PLCL1: variants seen among roughly 807,000 people sequenced by gnomAD.
PLCL1 encodes the protein phospholipase C like 1 (inactive).
A neutral mutation model predicts 84.4 loss-of-function variants in PLCL1; 41 were observed. The ratio of observed to expected loss-of-function variants is 0.49; its 90% CI spans 0.38 to 0.63. The LOEUF (loss-of-function observed/expected upper bound fraction) is 0.63, where lower values mean the gene tolerates loss of function less well. PLCL1 is among the 30% of genes least tolerant of loss of function. PLCL1 has a pLI of 0.00. For missense variants in PLCL1, 1,206 were observed against 1,367.8 expected (o/e 0.88, Z 1.87); for synonymous variants, 490 against 488.3 (o/e 1.00, Z -0.05).
At chr2:197,994,939 C>T (rs1391484233) in intron 1 of PLCL1, among the ~76,000 whole-genome samples, 1 of 152,130 alleles carries the variant, frequency 6.6e-6, no homozygotes, top group East Asian at 1.9e-4. Context: ...CCTGTCATCT[C>T]CATGCAGAAG....
intron 1 of PLCL1, among the ~76,000 whole-genome samples, chr2:197,917,776 T>C (rs1377477047): frequency 6.6e-6 from 1 of 152,098 alleles, no homozygotes; most frequent in African/African-American, 2.4e-5. Flanking sequence ...TAGTATCTTG[T>C]AGTGCCATGA....
intron 1 of PLCL1, among the ~76,000 whole-genome samples, chr2:197,812,024 A>G (rs1362695784): frequency 6.6e-6 from 1 of 152,110 alleles, no homozygotes; most frequent in Non-Finnish European, 1.5e-5. Flanking sequence ...GTTCATGTGT[A>G]TTTAGTGTTT....
chr2:198,002,716 G>T (rs920423943), intron 1 of PLCL1, among the ~76,000 whole-genome samples: 10 of 152,150 alleles, frequency 6.6e-5, no homozygotes, highest in Admixed American at 5.2e-4. Context: ...ATGTACAGGT[G>T]CCAGGCTGTG....
chr2:197,856,578 T>C (rs180930318), intron 1 of PLCL1, among the ~76,000 whole-genome samples: 2,261 of 152,268 alleles, frequency 0.015, 63 homozygotes, highest in African/African-American at 0.052. Context: ...TAAAAGTGAG[T>C]TTTGGCTCTC....
chr2:197,860,817 TTG>T (rs2105693206), intron 1 of PLCL1, among the ~76,000 whole-genome samples: 1 of 152,320 alleles, frequency 6.6e-6, no homozygotes, highest in Non-Finnish European at 1.5e-5. Context: ...ATTCTGTAGG[TTG>T]TCTGTTTACT....
intron 1 of PLCL1, among the ~76,000 whole-genome samples, chr2:198,015,732 A>G (rs1159301621): frequency 6.6e-6 from 1 of 152,170 alleles, no homozygotes; most frequent in Non-Finnish European, 1.5e-5. Flanking sequence ...GTGTAAGATA[A>G]CGAGGGTGGT....
chr2:198,016,664 A>G (rs778780347), intron 1 of PLCL1, among the ~76,000 whole-genome samples: 8 of 152,188 alleles, frequency 5.3e-5, no homozygotes, highest in Non-Finnish European at 1.2e-4. Flanking sequence ...TGACACAGGT[A>G]AGGCGTCTTC....
chr2:197,820,633 G>A (rs920624630), intron 1 of PLCL1, among the ~76,000 whole-genome samples: 1 of 152,042 alleles, frequency 6.6e-6, no homozygotes, highest in African/African-American at 2.4e-5. Context: ...AGAATGTGGT[G>A]GGCTTAGTGG....
chr2:197,810,277 G>A, intron 1 of PLCL1: 1 of 1,272,292 alleles, frequency 7.9e-7, no homozygotes, highest in East Asian at 5.6e-5. Context: ...TCTTTCTGAT[G>A]TGATTTCTTA....
chr2:197,952,446 G>A (rs374647605), intron 1 of PLCL1, among the ~76,000 whole-genome samples: 3 of 152,232 alleles, frequency 2.0e-5, no homozygotes, highest in African/African-American at 7.2e-5. Context: ...TGGATTGAAG[G>A]TGCATAGCAA....
At chr2:198,016,770 G>T (rs1279809872) in intron 1 of PLCL1, among the ~76,000 whole-genome samples, 1 of 152,162 alleles carries the variant, frequency 6.6e-6, no homozygotes, top group Non-Finnish European at 1.5e-5. Flanking sequence ...TTATCCTCGG[G>T]TTGTTTCCTC....
chr2:197,842,509 C>T (rs1216892559), intron 1 of PLCL1, among the ~76,000 whole-genome samples: 1 of 152,090 alleles, frequency 6.6e-6, no homozygotes. Flanking sequence ...CTCAAAGGGT[C>T]ATATAATCTC....
At chr2:197,872,666 G>T (rs1687669261) in intron 1 of PLCL1, among the ~76,000 whole-genome samples, 2 of 152,254 alleles carry the variant, frequency 1.3e-5, no homozygotes, top group Middle Eastern at 6.8e-3. Flanking sequence ...ATGATTGAGA[G>T]AATTAGATTA....
chr2:198,128,201 G>T (rs1470446387), intron 5 of PLCL1, among the ~76,000 whole-genome samples: 1 of 152,042 alleles, frequency 6.6e-6, no homozygotes, highest in African/African-American at 2.4e-5. Flanking sequence ...GGGGACAAGG[G>T]GATTCCAAAA....
At chr2:198,121,206 C>T (rs536131790) in intron 5 of PLCL1, among the ~76,000 whole-genome samples, 14 of 151,970 alleles carry the variant, frequency 9.2e-5, no homozygotes, top group East Asian at 3.9e-4. Flanking sequence ...TTATGTATTC[C>T]GATTATTAAT....
At chr2:197,840,290 G>C (rs1312754004) in intron 1 of PLCL1, among the ~76,000 whole-genome samples, 1 of 151,744 alleles carries the variant, frequency 6.6e-6, no homozygotes, top group South Asian at 2.1e-4. Flanking sequence ...CCCCTGTCTG[G>C]TCAGGAAGGC....
intron 1 of PLCL1, among the ~76,000 whole-genome samples, chr2:197,815,024 C>T (rs1232123579): frequency 6.6e-6 from 1 of 152,140 alleles, no homozygotes; most frequent in Non-Finnish European, 1.5e-5. Context: ...GATGTAGAAG[C>T]TACAGCAAGT....
intron 1 of PLCL1, among the ~76,000 whole-genome samples, chr2:198,036,420 ATT>A (rs1337571219): frequency 6.6e-6 from 1 of 152,202 alleles, no homozygotes; most frequent in Admixed American, 6.5e-5. Context: ...TGCTAGAATC[ATT>A]TTTCATTGCC....
Position 198,084,715 on chromosome 2 carries a change from A to T in PLCL1, c.1198A>T (p.Met400Leu), listed in dbSNP as rs1191811999. ...DPEQKKVAQD[M>L]TQPLSHYYIN... ...TGAGCAAAAGAAGGTTGCCCAAGATATGACCCAGCCATTATCTCACTACTA... is the reference window on the plus strand; with the variant it reads ...TGAGCAAAAGAAGGTTGCCCAAGATTTGACCCAGCCATTATCTCACTACTA... The change falls in exon 2 of 6, where the codon ATG becomes TTG. Residue 400 changes from methionine to leucine, a missense_variant. Met to Leu is a conservative substitution (Grantham distance 15). Coordinates refer to ENST00000428675, the MANE Select transcript of PLCL1 (RefSeq NM_006226.4). The T allele has an allele frequency of 3.7e-6, 6 of 1,614,134 alleles. No individual in the cohort carries two copies. The highest frequency in any genetic ancestry group is 5.1e-6 in the Non-Finnish European group (6 of 1,179,986).
Sources: gnomAD v4.1 joint callset for allele counts (sites outside exome capture counted in the v4.1 genomes callset) on GRCh38, gnomAD v4.1.1 for gene constraint, MANE v1.5 for transcripts, NCBI Gene and HGNC (gene_info 2026-07-23, HGNC 2026-07-21) for gene names.